The following FBXO17 variants were observed in gnomAD, a reference collection of about 807,000 sequenced individuals.
FBXO17 encodes the protein F-box only protein 17.
FBXO17 carries 43 observed loss-of-function variants against 34.1 expected under a neutral mutation model. That is an observed-to-expected ratio of 1.26 (90% CI 0.99 to 1.62). FBXO17 has a LOEUF of 1.62. Ranked by LOEUF, FBXO17 falls within the 40% of genes most tolerant of loss-of-function variation. The pLI is 0.00. For missense variants in FBXO17, 424 were observed against 386.7 expected (o/e 1.10, Z -0.81); for synonymous variants, 169 against 166.0 (o/e 1.02, Z -0.14).
At position 38,950,012 on chromosome 19, in the gene FBXO17, G is replaced by A. The variant is rs771771519; in HGVS notation, c.308C>T (p.Ala103Val). The change falls in exon 2 of 6, where the codon GCG (alanine) becomes GTG (valine). Residue 103 changes from alanine to valine, a missense_variant. Transcript: ENST00000292852. ...GAAGATGAGATTGCGGCCGAAGGGC[G>A]CGCGCAGACAGTAGCGCGCCAGGGC... ...LCALARYCLR[A>V]PFGRNLIFNS... 1.3e-6 allele frequency: 2 copies of A among 1,558,200 alleles called. No homozygotes were observed. The highest frequency in any genetic ancestry group is 1.7e-6 in the Non-Finnish European group (2 of 1,153,056).
intron 1 of FBXO17, among the ~76,000 whole-genome samples, chr19:38,972,946 C>G (rs1179541239): frequency 6.6e-6 from 1 of 152,052 alleles, no homozygotes; most frequent in Non-Finnish European, 1.5e-5. Context: ...TTTGTCGAGA[C>G]AGGGTTTCAA....
intron 1 of FBXO17, among the ~76,000 whole-genome samples, chr19:38,951,554 C>G (rs963318556): frequency 6.6e-6 from 1 of 151,122 alleles, no homozygotes; most frequent in African/African-American, 2.4e-5. Flanking sequence ...TAAGATGGTA[C>G]TTTAGGATGA....
intron 1 of FBXO17, among the ~76,000 whole-genome samples, chr19:38,972,186 T>G (rs1475998287): frequency 6.6e-6 from 1 of 152,078 alleles, no homozygotes; most frequent in Non-Finnish European, 1.5e-5. Context: ...CACTGGGTAG[T>G]AAGAGAATGG....
intron 1 of FBXO17, among the ~76,000 whole-genome samples, chr19:38,964,362 G>A (rs1396114728): frequency 6.6e-6 from 1 of 151,982 alleles, no homozygotes; most frequent in Non-Finnish European, 1.5e-5. Context: ...TTGAGACGGA[G>A]TCTCACCCTG....
At position 38,957,612 on chromosome 19, in the gene FBXO17, G is replaced by A. The variant is rs542900448; in HGVS notation, c.-17-7276C>T. 2.0e-5 allele frequency among the ~76,000 whole-genome samples: 3 copies of A among 152,256 alleles called. No individual in the cohort carries two copies. In the East Asian group the frequency reaches 5.8e-4, roughly 30 times the overall value. ...GCCCGCCTAGGCCTCCCAAAGTGCT[G>A]GGATTACAGACTTGAGCCACTGCGC... On this transcript the variant is annotated intron_variant, in intron 1 of 5. Coordinates refer to ENST00000292852, the MANE Select transcript of FBXO17 (RefSeq NM_024907.7).
rs527761433 is a variant in FBXO17 at position 38,954,790 on chromosome 19, G to C, written c.-17-4454C>G. On this transcript the variant is annotated intron_variant, in intron 1 of 5. Transcript: ENST00000292852. ...AGACAGGGTTTCACCATGTTGGCCA[G>C]GCTGTTCTCAAACTCCTGACCTCAG... Among the ~76,000 whole-genome samples, 208 of 150,762 alleles carry C rather than the reference G, an allele frequency of 1.4e-3. 1 individual carries two copies. The Middle Eastern group carries it at 0.014, about 10-fold the overall frequency.
At chr19:38,952,554 C>A (rs778111141) in intron 1 of FBXO17, 5 of 534,406 alleles carry the variant, frequency 9.4e-6, no homozygotes, top group African/African-American at 1.9e-5. Flanking sequence ...AAACCCCCAG[C>A]GATGAATCTC....
intron 1 of FBXO17, among the ~76,000 whole-genome samples, chr19:38,959,510 C>T (rs1474729203): frequency 6.6e-6 from 1 of 151,158 alleles, no homozygotes; most frequent in Non-Finnish European, 1.5e-5. Flanking sequence ...TGGTCTCGAA[C>T]TCTTGACCTT....
At chr19:38,944,336 G>A (rs1974940243) in intron 5 of FBXO17, among the ~76,000 whole-genome samples, 1 of 151,728 alleles carries the variant, frequency 6.6e-6, no homozygotes, top group Admixed American at 6.6e-5. Flanking sequence ...GGGACCAACT[G>A]GGCTCCAACC....
rs188282415 is a variant in FBXO17, at chr19:38,972,684, A to C, written c.-18+2902T>G. Among the ~76,000 whole-genome samples the C allele has an allele frequency of 1.3e-4, 20 of 152,318 alleles. No individual in the cohort carries two copies. In the East Asian group the frequency reaches 3.5e-3, roughly 26 times the overall value. The stretch of plus-strand genomic sequence containing the variant: ...TTATTTTCTCCCAATTTTTACTATG[A>C]AATTTCATTCTATAGACAAGTTGAA... On this transcript the variant is annotated intron_variant, in intron 1 of 5. Transcript: ENST00000292852.
At chr19:38,971,171 A>G (rs2144846174) in intron 1 of FBXO17, among the ~76,000 whole-genome samples, 1 of 151,896 alleles carries the variant, frequency 6.6e-6, no homozygotes, top group Admixed American at 6.6e-5. Context: ...ATCAGAGATG[A>G]TGGACCTCTA....
rs1416716934 is a variant in FBXO17, at chr19:38,950,021, C to A, written c.299G>T (p.Cys100Phe). ...ATTGCGGCCGAAGGGCGCGCGCAGACAGTAGCGCGCCAGGGCGCACAGCGG... is the reference window on the plus strand; with the variant it reads ...ATTGCGGCCGAAGGGCGCGCGCAGAAAGTAGCGCGCCAGGGCGCACAGCGG... ...EFPLCALARY[C>F]LRAPFGRNLI... Residue 100 changes from cysteine to phenylalanine, a missense_variant, in exon 2 of 6, where the codon TGT (cysteine) becomes TTT (phenylalanine). Physicochemically the swap from Cys to Phe is radical, Grantham distance 205. Coordinates refer to ENST00000292852, the MANE Select transcript of FBXO17 (RefSeq NM_024907.7). 1.9e-6 allele frequency: 3 copies of A among 1,562,420 alleles called. No homozygotes were observed. The highest frequency in any genetic ancestry group is 1.7e-6 in the Non-Finnish European group (2 of 1,155,058).
chr19:38,944,705 C>A (rs1468842646), intron 5 of FBXO17: 1 of 477,146 alleles, frequency 2.1e-6, no homozygotes, highest in Non-Finnish European at 3.7e-6. Context: ...TGCTTCACTG[C>A]TGCATTTCCA....
At chr19:38,970,144 C>G (rs1350104878) in intron 1 of FBXO17, among the ~76,000 whole-genome samples, 2 of 148,982 alleles carry the variant, frequency 1.3e-5, no homozygotes, top group African/African-American at 5.0e-5. Flanking sequence ...ATAAATAATA[C>G]AAATACAAAA....
chr19:38,958,200 T>G (rs1203614285), intron 1 of FBXO17, among the ~76,000 whole-genome samples: 1 of 147,212 alleles, frequency 6.8e-6, no homozygotes, highest in Non-Finnish European at 1.5e-5. Context: ...TCACCTGAGG[T>G]TAGGGGTTTG....
chr19:38,949,350 C>G (rs1011855063), intron 2 of FBXO17, among the ~76,000 whole-genome samples: 1 of 151,938 alleles, frequency 6.6e-6, no homozygotes, highest in African/African-American at 2.4e-5. Flanking sequence ...TCTGCCCCCT[C>G]GGGCCTCCCA....
At chr19:38,943,597 T>G (rs1974927417) in intron 5 of FBXO17, among the ~76,000 whole-genome samples, 1 of 151,242 alleles carries the variant, frequency 6.6e-6, no homozygotes, top group African/African-American at 2.4e-5. Flanking sequence ...TTTATTTTAT[T>G]TATTTATTTT....
chr19:38,957,621 G>A (rs1386051440), intron 1 of FBXO17, among the ~76,000 whole-genome samples: 3 of 152,172 alleles, frequency 2.0e-5, no homozygotes, highest in Non-Finnish European at 4.4e-5. Context: ...TGGGATTACA[G>A]ACTTGAGCCA....
chr19:38,963,716 C>G (rs1297393529), intron 1 of FBXO17, among the ~76,000 whole-genome samples: 1 of 151,964 alleles, frequency 6.6e-6, no homozygotes, highest in African/African-American at 2.4e-5. Flanking sequence ...TTGTTTCCAG[C>G]TTAGGGGTAT....
Sources: gnomAD v4.1 joint callset for allele counts (sites outside exome capture counted in the v4.1 genomes callset) on GRCh38, gnomAD v4.1.1 for gene constraint, MANE v1.5 for transcripts, NCBI Gene and HGNC (gene_info 2026-07-23, HGNC 2026-07-21) for gene names.